Variants in FBXO28 observed in about 807,000 individuals in gnomAD.
The protein encoded by FBXO28 is F-box protein 28, also known as F-box only protein 28.
In FBXO28, 8 loss-of-function variants were observed where a neutral mutation model predicts 38.1. The ratio of observed to expected loss-of-function variants is 0.21; its 90% CI spans 0.12 to 0.38. The LOEUF (loss-of-function observed/expected upper bound fraction) is 0.38, where lower values mean the gene tolerates loss of function less well. Ranked by LOEUF, FBXO28 falls within the 10% of genes least tolerant of loss-of-function variation. The pLI, the probability that FBXO28 is intolerant of heterozygous loss-of-function variation, is 1.00. For synonymous variants in FBXO28, 168 were observed against 173.8 expected (o/e 0.97, Z 0.26); for missense variants, 345 against 460.6 (o/e 0.75, Z 2.30).
intron 3 of FBXO28, among the ~76,000 whole-genome samples, chr1:224,134,560 G>C (rs1012011713): frequency 2.0e-5 from 3 of 152,086 alleles, no homozygotes; most frequent in Non-Finnish European, 4.4e-5. Flanking sequence ...ATAATTTTGG[G>C]GAGGTAGAAA....
At chr1:224,141,252 C>T (rs1012978192) in intron 3 of FBXO28, among the ~76,000 whole-genome samples, 1 of 151,892 alleles carries the variant, frequency 6.6e-6, no homozygotes, top group African/African-American at 2.4e-5. Flanking sequence ...GTGGGCGGAT[C>T]ACGAGGTCAG....
intron 1 of FBXO28, among the ~76,000 whole-genome samples, chr1:224,115,549 C>T (rs184252072): frequency 2.2e-3 from 336 of 152,258 alleles, no homozygotes; most frequent in African/African-American, 7.6e-3. Flanking sequence ...TTAATTCAAA[C>T]TGATGGCCAA....
At chr1:224,150,528 A>G (rs1025416819) in intron 3 of FBXO28, among the ~76,000 whole-genome samples, 8 of 152,176 alleles carry the variant, frequency 5.3e-5, no homozygotes, top group Admixed American at 4.6e-4. Context: ...TAAATATTAT[A>G]TAACTTTTAA....
chr1:224,139,758 ATGCATG>A (rs1558192747), intron 3 of FBXO28, among the ~76,000 whole-genome samples: 7 of 42,228 alleles, frequency 1.7e-4, no homozygotes, highest in East Asian at 1.3e-3. Flanking sequence ...ACATACATGC[ATGCATG>A]CATACATACA....
At position 224,114,209 on chromosome 1, in the gene FBXO28, G is replaced by T. The variant is rs1656585714; in HGVS notation, c.80G>T (p.Gly27Val). ...QGDGGSSLAS[G>V]STQRQPPPPA... ...GACGGCGGTTCCTCTTTGGCCTCCG[G>T]CTCTACCCAGCGACAGCCTCCACCG... Residue 27 changes from glycine to valine, a missense_variant, in exon 1 of 5, where the codon GGC becomes GTC. Gly to Val is a moderately radical substitution (Grantham distance 109, BLOSUM62 -3). This residue lies in a region of FBXO28 where 104 missense variants were observed against 82.0 expected (regional missense o/e 1.27). Coordinates refer to ENST00000366862, the MANE Select transcript of FBXO28 (RefSeq NM_015176.4). The T allele has an allele frequency of 6.5e-7, 1 of 1,549,450 alleles. No homozygotes were observed. The highest frequency in any genetic ancestry group is 2.1e-4 in the Middle Eastern group (1 of 4,740).
intron 1 of FBXO28, among the ~76,000 whole-genome samples, 165 bp downstream of exon 1, chr1:224,114,561 A>C (rs913132849): frequency 2.2e-5 from 2 of 91,078 alleles, no homozygotes; most frequent in Non-Finnish European, 4.8e-5. Flanking sequence ...GTCAGTCAGC[A>C]GGAGTGGGCT....
rs372448065 is a variant in FBXO28 at position 224,127,799 on chromosome 1, C to T, written c.268-2673C>T. ...GCACGCAACTGTAATCCCAGCTACT[C>T]GGGAGGCTGAGGCAGGAGAATGGCT... is the stretch of plus-strand genomic sequence containing the variant. On this transcript the variant is annotated intron_variant, in intron 1 of 4. Coordinates refer to ENST00000366862, the MANE Select transcript of FBXO28 (RefSeq NM_015176.4). 2.6e-5 allele frequency among the ~76,000 whole-genome samples: 4 copies of T among 152,134 alleles called. No individual in the cohort carries two copies. In the East Asian group the frequency reaches 5.8e-4, roughly 22 times the overall value.
At chr1:224,132,373 C>T (rs1444143770) in intron 2 of FBXO28, among the ~76,000 whole-genome samples, 1 of 152,166 alleles carries the variant, frequency 6.6e-6, no homozygotes. Flanking sequence ...AAAACCACTA[C>T]GAGATTTATA....
chr1:224,134,671 A>G (rs930024104), intron 3 of FBXO28, among the ~76,000 whole-genome samples: 1 of 152,210 alleles, frequency 6.6e-6, no homozygotes, highest in Non-Finnish European at 1.5e-5. Flanking sequence ...CTATTTACCA[A>G]TATTCCCAGA....
At chr1:224,124,790 C>T (rs1656866620) in intron 1 of FBXO28, among the ~76,000 whole-genome samples, 1 of 151,912 alleles carries the variant, frequency 6.6e-6, no homozygotes, top group South Asian at 2.1e-4. Context: ...AGTGCAGTGG[C>T]GTGATCTTGG....
In FBXO28 at chr1:224,114,137, C is replaced by T; in HGVS notation, c.8C>T (p.Ala3Val). 6.5e-7 allele frequency: 1 copy of T among 1,539,906 alleles called. No homozygotes were observed. The highest frequency in any genetic ancestry group is 8.8e-7 in the Non-Finnish European group (1 of 1,142,118). The change falls in exon 1 of 5, where the codon GCA (alanine) becomes GTA (valine). Residue 3 changes from alanine to valine, a missense_variant. Transcript: ENST00000366862. ...AGGAATCAAGCCCCCAAGATGGCGGCAGCGGCGGAGGAGCGGATGGCAGAG... is the reference window on the plus strand; with the variant it reads ...AGGAATCAAGCCCCCAAGATGGCGGTAGCGGCGGAGGAGCGGATGGCAGAG... MA[A>V]AAEERMAEEG...
intron 1 of FBXO28, among the ~76,000 whole-genome samples, chr1:224,122,307 C>G (rs953974518): frequency 2.6e-4 from 40 of 152,134 alleles, no homozygotes; most frequent in Non-Finnish European, 4.9e-4. Context: ...TTTTCTCTCT[C>G]CTGAATGTGT....
chr1:224,139,587 CA>C, intron 3 of FBXO28, among the ~76,000 whole-genome samples: 1 of 151,966 alleles, frequency 6.6e-6, no homozygotes, highest in Non-Finnish European at 1.5e-5. Flanking sequence ...ACTAAAAATA[CA>C]AAAATTAGCT....
chr1:224,127,081 G>A (rs1018388235), intron 1 of FBXO28, among the ~76,000 whole-genome samples: 2 of 151,724 alleles, frequency 1.3e-5, no homozygotes, highest in African/African-American at 4.9e-5. Context: ...TTCAGGACTG[G>A]GGCACTGGTT....
chr1:224,149,104 A>G (rs1657580239), intron 3 of FBXO28, among the ~76,000 whole-genome samples: 1 of 152,210 alleles, frequency 6.6e-6, no homozygotes, highest in Admixed American at 6.5e-5. Flanking sequence ...CAGTATTTAT[A>G]AACATATAAT....
At chr1:224,143,300 A>C (rs1002427670) in intron 3 of FBXO28, among the ~76,000 whole-genome samples, 1 of 152,018 alleles carries the variant, frequency 6.6e-6, no homozygotes, top group Middle Eastern at 3.4e-3. Flanking sequence ...TGCATTCTCC[A>C]TATATCTGCA....
chr1:224,148,934 T>G (rs10916370), intron 3 of FBXO28, among the ~76,000 whole-genome samples: 24,155 of 152,126 alleles, frequency 0.16, 2,068 homozygotes, highest in Middle Eastern at 0.24. Flanking sequence ...CACACAGCAC[T>G]TTGCTTATAC....
Position 224,114,427 on chromosome 1 carries a change from C to T in FBXO28, c.267+31C>T, listed in dbSNP as rs765249642. On this transcript the variant is annotated intron_variant, in intron 1 of 4. Coordinates refer to ENST00000366862, the MANE Select transcript of FBXO28 (RefSeq NM_015176.4). ...GCCCCCGCAGAACTCCTGCCTCCCT[C>T]TCCCCCCGGCCGAGGTCTGGGAGAT... The T allele has an allele frequency of 4.1e-6, 6 of 1,480,004 alleles. No homozygotes were observed. In the Admixed American group the frequency reaches 9.0e-5, roughly 22 times the overall value. The allele number at this position is 1,480,004 out of a possible 1,614,324, so 91.7% of individuals were successfully genotyped here.
Position 224,158,108 on chromosome 1 carries a change from A to G in FBXO28, c.*362A>G. The G allele has an allele frequency of 1.0e-6, 1 of 1,002,872 alleles. No individual in the cohort carries two copies. The highest frequency in any genetic ancestry group is 1.2e-6 in the Non-Finnish European group (1 of 841,976). 62.1% of individuals were successfully genotyped at this position (1,002,872 alleles called of 1,614,324 possible). A position where few individuals can be genotyped will look rare whatever the true frequency, so the allele number is the denominator to read the frequency against. The stretch of plus-strand genomic sequence containing the variant: ...TGACAGACTAGAAGTTAAGTTTAAT[A>G]CAGAAAATGTCCTGTTCACTTGAAA... On this transcript the variant is annotated 3_prime_UTR_variant, in exon 5 of 5. Transcript: ENST00000366862.
Sources: allele counts gnomAD v4.1 joint callset (sites outside exome capture counted in the v4.1 genomes callset), GRCh38; gene constraint gnomAD v4.1.1; regional missense constraint gnomAD v4.1.1; transcripts MANE v1.5; gene names NCBI Gene and HGNC (gene_info 2026-07-23, HGNC 2026-07-21).